Variants in GRIN3A observed in about 807,000 individuals in gnomAD.
GRIN3A encodes glutamate receptor ionotropic, NMDA 3A.
In GRIN3A, 47 loss-of-function variants were observed where a neutral mutation model predicts 92.4. The observed-to-expected ratio is 0.51, with a 90% CI of 0.40 to 0.65. The LOEUF (loss-of-function observed/expected upper bound fraction) is 0.65, where lower values mean the gene tolerates loss of function less well. Among genes scored for constraint, GRIN3A ranks in the 30% least tolerant of loss-of-function variants. GRIN3A has a pLI of 0.00. For synonymous variants in GRIN3A, 527 were observed against 540.6 expected, an observed-to-expected ratio of 0.97 and a Z score of 0.35; for missense variants, 1,324 against 1,393.1, an observed-to-expected ratio of 0.95 and a Z score of 0.79.
chr9:101,724,886 A>G (rs1178209390), intron 1 of GRIN3A, among the ~76,000 whole-genome samples: 3 of 152,196 alleles, frequency 2.0e-5, no homozygotes, highest in African/African-American at 7.2e-5. Flanking sequence ...AAAATGAACT[A>G]ATACAGTACA....
rs527815611 is a variant in GRIN3A, at chr9:101,583,396, A to G, written c.2767-4036T>C. ...TGTCTGAGTCTGAGTGACAAGACATACAGCTGCCTTTGTAATTCAGCGGTT... is the reference window on the plus strand; with the variant it reads ...TGTCTGAGTCTGAGTGACAAGACATGCAGCTGCCTTTGTAATTCAGCGGTT... On this transcript the variant is annotated intron_variant, in intron 6 of 8. Coordinates refer to ENST00000361820, the MANE Select transcript of GRIN3A (RefSeq NM_133445.3). Among the ~76,000 whole-genome samples the G allele has an allele frequency of 2.6e-5, 4 of 152,342 alleles. No individual in the cohort carries two copies. In the South Asian group the frequency reaches 8.3e-4, roughly 32 times the overall value.
chr9:101,612,625 C>T (rs1189032899), intron 6 of GRIN3A, among the ~76,000 whole-genome samples: 2 of 151,988 alleles, frequency 1.3e-5, no homozygotes, highest in Admixed American at 1.3e-4. Context: ...TCAGGCTGAC[C>T]TTGTTCAGGT....
rs1827862333 is a variant in GRIN3A at position 101,579,313 on chromosome 9, C to T, written c.2814G>A (p.Leu938=). Residue 938 remains leucine (L), a synonymous_variant, in exon 7 of 9, where the codon CTG becomes CTA. Transcript: ENST00000361820. The stretch of plus-strand genomic sequence containing the variant: ...AAATGGACAGACCAAATCCAATGCA[C>T]AGCAGCACAAAGAGCCCAGAGAAGT... ...IKHFSGLFVL[L]CIGFGLSILT... 1.1e-5 allele frequency: 18 copies of T among 1,613,996 alleles called. No individual in the cohort carries two copies. Among genetic ancestry groups the T allele is most frequent in the Non-Finnish European group, 1.5e-5 (18 of 1,179,920 alleles).
chr9:101,731,684 T>C (rs929511618), intron 1 of GRIN3A, among the ~76,000 whole-genome samples: 1 of 152,132 alleles, frequency 6.6e-6, no homozygotes, highest in Non-Finnish European at 1.5e-5. Context: ...GGAGATCAAA[T>C]ACAGTTGACA....
At chr9:101,615,027 T>C (rs1828424715) in intron 5 of GRIN3A, among the ~76,000 whole-genome samples, 3 of 152,110 alleles carry the variant, frequency 2.0e-5, no homozygotes, top group African/African-American at 7.2e-5. Flanking sequence ...AACATAAAAA[T>C]GGAGTTAATT....
At chr9:101,613,583 AC>A in intron 5 of GRIN3A, 56 bp from the exon 6 acceptor site, 1 of 1,546,934 alleles carries the variant, frequency 6.5e-7, no homozygotes, top group Non-Finnish European at 8.9e-7. Context: ...AGAGATTGCC[AC>A]CACAGTACAT....
chr9:101,614,770 C>T (rs959049957), intron 5 of GRIN3A, among the ~76,000 whole-genome samples: 1 of 151,386 alleles, frequency 6.6e-6, no homozygotes, highest in African/African-American at 2.4e-5. Context: ...CAGGCACACA[C>T]CACCACCCTG....
chr9:101,601,249 T>C (rs1429653013), intron 6 of GRIN3A: 2 of 152,228 alleles, frequency 1.3e-5, no homozygotes, highest in African/African-American at 4.8e-5. Flanking sequence ...CAGAACCAGA[T>C]GAAGCAGGGT....
intron 1 of GRIN3A, among the ~76,000 whole-genome samples, chr9:101,708,361 A>C (rs1829836572): frequency 6.6e-6 from 1 of 152,158 alleles, no homozygotes; most frequent in Admixed American, 6.6e-5. Context: ...ATCTTTTTGA[A>C]TAAGATAATG....
intron 6 of GRIN3A, among the ~76,000 whole-genome samples, chr9:101,601,544 G>T (rs1281527425): frequency 2.0e-5 from 3 of 152,152 alleles, no homozygotes; most frequent in Non-Finnish European, 4.4e-5. Flanking sequence ...GCACAAACGG[G>T]GTGGCTTAAA....
At chr9:101,694,195 A>G (rs1338192517) in intron 1 of GRIN3A, among the ~76,000 whole-genome samples, 1 of 152,228 alleles carries the variant, frequency 6.6e-6, no homozygotes, top group East Asian at 1.9e-4. Context: ...AGTATACACA[A>G]TTAGAAGAAA....
intron 6 of GRIN3A, among the ~76,000 whole-genome samples, chr9:101,601,582 G>T (rs1159797583): frequency 6.6e-6 from 1 of 152,166 alleles, no homozygotes; most frequent in East Asian, 1.9e-4. Flanking sequence ...CCCCTAGTTC[G>T]GGAGGCTAGA....
intron 5 of GRIN3A, among the ~76,000 whole-genome samples, chr9:101,621,571 AT>A (rs1240804657): frequency 6.6e-6 from 1 of 152,172 alleles, no homozygotes; most frequent in African/African-American, 2.4e-5. Context: ...TCCATGCACC[AT>A]TTTGTGCTCA....
At chr9:101,717,996 C>T (rs559267048) in intron 1 of GRIN3A, among the ~76,000 whole-genome samples, 115 of 152,230 alleles carry the variant, frequency 7.6e-4, no homozygotes, top group Non-Finnish European at 1.2e-3. Context: ...TTCTGTCCAC[C>T]GCAGTGAATG....
chr9:101,681,253 C>T (rs1459839228), intron 2 of GRIN3A, among the ~76,000 whole-genome samples: 3 of 152,130 alleles, frequency 2.0e-5, no homozygotes, highest in African/African-American at 7.2e-5. Context: ...GAAATAAAAA[C>T]AATGTTTATA....
At chr9:101,634,601 G>A (rs1828760680) in intron 3 of GRIN3A, among the ~76,000 whole-genome samples, 1 of 151,958 alleles carries the variant, frequency 6.6e-6, no homozygotes, top group Non-Finnish European at 1.5e-5. Flanking sequence ...TGATAAAGTT[G>A]GATTTAAAAC....
chr9:101,639,551 C>A (rs1352275502), intron 3 of GRIN3A, among the ~76,000 whole-genome samples: 1 of 152,150 alleles, frequency 6.6e-6, no homozygotes, highest in Non-Finnish European at 1.5e-5. Flanking sequence ...CCTTGCCAAA[C>A]CTAGAGTCAG....
rs1194653835 is a variant in GRIN3A, at chr9:101,573,454, T to A, written c.3068A>T (p.Asn1023Ile). The A allele has an allele frequency of 6.2e-7, 1 of 1,614,006 alleles. No individual in the cohort carries two copies. The highest frequency in any genetic ancestry group is 1.7e-5 in the Admixed American group (1 of 60,004). Residue 1023 changes from asparagine to isoleucine, a missense_variant, in exon 9 of 9, where the codon AAC becomes ATC. Physicochemically the swap from Asn to Ile is moderately radical, Grantham distance 149. Transcript: ENST00000361820. ...ATCACTAAAGATGTATTTCCGTCGG[T>A]TGTCATGACTCAGATTGGAAGTATT... ...VWNTSNLSHD[N>I]RRKYIFSDEE...
At chr9:101,619,110 G>A (rs775138454) in intron 5 of GRIN3A, among the ~76,000 whole-genome samples, 1 of 152,190 alleles carries the variant, frequency 6.6e-6, no homozygotes, top group African/African-American at 2.4e-5. Flanking sequence ...GCTAGCAAAT[G>A]TATAGTTAGA....
Sources: gnomAD v4.1 joint callset for allele counts (sites outside exome capture counted in the v4.1 genomes callset) on GRCh38, gnomAD v4.1.1 for gene constraint, MANE v1.5 for transcripts, NCBI Gene and HGNC (gene_info 2026-07-23, HGNC 2026-07-21) for gene names.